PLEKHA3: variants seen among roughly 807,000 people sequenced by gnomAD.
PLEKHA3 encodes the protein pleckstrin homology domain containing A3.
In PLEKHA3, 19 loss-of-function variants were observed where a neutral mutation model predicts 39.2. The ratio of observed to expected loss-of-function variants is 0.48; its 90% CI spans 0.34 to 0.71. The LOEUF is 0.71. PLEKHA3 is among the 30% of genes least tolerant of loss of function. The pLI is 0.01. For synonymous variants in PLEKHA3, 97 were observed against 118.6 expected, an observed-to-expected ratio of 0.82 and a Z score of 1.18; for missense variants, 253 against 359.5, an observed-to-expected ratio of 0.70 and a Z score of 2.40.
chr2:178,488,765 G>A (rs891902719), intron 2 of PLEKHA3, among the ~76,000 whole-genome samples: 2 of 152,170 alleles, frequency 1.3e-5, no homozygotes, highest in African/African-American at 4.8e-5. Flanking sequence ...GCTATCTGCT[G>A]GAATGTTTGG....
chr2:178,496,289 C>T (rs1685445326), intron 5 of PLEKHA3, among the ~76,000 whole-genome samples: 1 of 152,146 alleles, frequency 6.6e-6, no homozygotes, highest in East Asian at 1.9e-4. Flanking sequence ...ATTCGTTGTC[C>T]TTTCTGAGCT....
Position 178,480,597 on chromosome 2 carries a change from C to T in PLEKHA3, c.-273C>T. ...GGAAGCGCGAGCAGGAGGCCGGTCG[C>T]GGGCGCATTTTTGCCGTTGTCGCGG... On this transcript the variant is annotated 5_prime_UTR_variant, in exon 1 of 8. Coordinates refer to ENST00000234453, the MANE Select transcript of PLEKHA3 (RefSeq NM_019091.4). The T allele has an allele frequency of 3.6e-6, 1 of 280,888 alleles. No homozygotes were observed. Among genetic ancestry groups the T allele is most frequent in the South Asian group, 1.7e-4 (1 of 6,056 alleles). 17.4% of individuals were successfully genotyped at this position (280,888 alleles called of 1,614,324 possible). A position where few individuals can be genotyped will look rare whatever the true frequency, so the allele number is the denominator to read the frequency against.
intron 2 of PLEKHA3, among the ~76,000 whole-genome samples, chr2:178,490,163 C>T (rs538644268): frequency 6.6e-6 from 1 of 152,148 alleles, no homozygotes; most frequent in Non-Finnish European, 1.5e-5. Flanking sequence ...AATATACATG[C>T]CTTCCATGTG....
chr2:178,499,338 G>C, intron 6 of PLEKHA3, 84 bp downstream of exon 6: 1 of 1,354,574 alleles, frequency 7.4e-7, no homozygotes, highest in Non-Finnish European at 1.0e-6. Flanking sequence ...AAGTGGTGTG[G>C]AATGTAAACT....
At chr2:178,486,774 G>A (rs1045908231) in intron 2 of PLEKHA3, among the ~76,000 whole-genome samples, 21 of 152,148 alleles carry the variant, frequency 1.4e-4, no homozygotes, top group African/African-American at 5.1e-4. Flanking sequence ...TTCTAGTACT[G>A]AAGGATTTTT....
rs1274284025 is a variant in PLEKHA3 at position 178,514,562 on chromosome 2, C to T, written c.*10675C>T. The T allele has an allele frequency of 6.6e-6, 1 of 151,904 alleles. No individual in the cohort carries two copies. The highest frequency in any genetic ancestry group is 1.9e-4 in the East Asian group (1 of 5,186). The allele number at this position is 151,904 out of a possible 1,614,324, so 9.4% of individuals were successfully genotyped here. A position where few individuals can be genotyped will look rare whatever the true frequency, so the allele number is the denominator to read the frequency against. On this transcript the variant is annotated 3_prime_UTR_variant, in exon 8 of 8. Coordinates refer to ENST00000234453, the MANE Select transcript of PLEKHA3 (RefSeq NM_019091.4). Reference sequence around the variant, plus strand: ...ATAGCCTGTCATGTCTTTATTTAGGCTAAGTGCATATGTATGTATAAGTAA... The same window carrying T: ...ATAGCCTGTCATGTCTTTATTTAGGTTAAGTGCATATGTATGTATAAGTAA...
intron 3 of PLEKHA3, among the ~76,000 whole-genome samples, chr2:178,493,292 A>G (rs1685383845): frequency 6.6e-6 from 1 of 152,242 alleles, no homozygotes. Flanking sequence ...GAAACAGAAG[A>G]AAATAAATGA....
intron 1 of PLEKHA3, among the ~76,000 whole-genome samples, chr2:178,482,666 G>A (rs1685188908): frequency 6.6e-6 from 1 of 151,950 alleles, no homozygotes; most frequent in Admixed American, 6.6e-5. Flanking sequence ...TTACTGAGAT[G>A]AGTCATAATT....
intron 7 of PLEKHA3, among the ~76,000 whole-genome samples, chr2:178,501,955 G>T (rs947214898): frequency 6.6e-6 from 1 of 151,916 alleles, no homozygotes; most frequent in African/African-American, 2.4e-5. Context: ...TCAGTTGTTT[G>T]GAAAACAGAT....
intron 7 of PLEKHA3, 79 bp from the exon 8 acceptor site, chr2:178,503,681 G>T (rs1685564846): frequency 1.4e-6 from 2 of 1,453,978 alleles, no homozygotes; most frequent in Non-Finnish European, 1.9e-6. Context: ...CCCTGAACAG[G>T]AAATTTAAAA....
intron 2 of PLEKHA3, among the ~76,000 whole-genome samples, chr2:178,487,018 T>C (rs1685261233): frequency 1.3e-5 from 2 of 152,230 alleles, no homozygotes; most frequent in Non-Finnish European, 2.9e-5. Context: ...ATTTAGGGAC[T>C]ATTGCATTGG....
In PLEKHA3 at chr2:178,481,836, A is replaced by AT. The variant is rs199910743; in HGVS notation, c.40+933dup. On this transcript the variant is annotated intron_variant, in intron 1 of 7. Transcript: ENST00000234453. Reference sequence around the variant, plus strand: ...TAACATAAATTTGAACAGTAAACAGATTTTTTGGGGGGGGGGGGTCTAGCA... The same window carrying AT: ...TAACATAAATTTGAACAGTAAACAGATTTTTTTGGGGGGGGGGGGTCTAGCA... 2.0e-3 allele frequency: 162 copies of AT among 80,208 alleles called. 1 individual carries two copies. Among genetic ancestry groups the AT allele is most frequent in the Non-Finnish European group, 2.0e-3 (77 of 39,252 alleles). The allele number at this position is 80,208 out of a possible 1,614,324, so 5.0% of individuals were successfully genotyped here.
At chr2:178,481,175 TCA>T (rs1411019391) in intron 1 of PLEKHA3, among the ~76,000 whole-genome samples, 1 of 152,190 alleles carries the variant, frequency 6.6e-6, no homozygotes, top group Non-Finnish European at 1.5e-5. Context: ...GGAACAATTC[TCA>T]GTCACCCTAC....
In PLEKHA3 at chr2:178,515,851, T is replaced by C. The variant is rs1441447903; in HGVS notation, c.*11964T>C. 1.3e-5 allele frequency: 2 copies of C among 152,112 alleles called. No homozygotes were observed. The highest frequency in any genetic ancestry group is 2.9e-5 in the Non-Finnish European group (2 of 67,970). The allele number at this position is 152,112 out of a possible 1,614,324, so 9.4% of individuals were successfully genotyped here. On this transcript the variant is annotated 3_prime_UTR_variant, in exon 8 of 8. Coordinates refer to ENST00000234453, the MANE Select transcript of PLEKHA3 (RefSeq NM_019091.4). ...TTCAGTTAACTAGTTGAATAGTATT[T>C]ATCATTCACATTTGCACCCTAACTA...
rs1295062364 is a variant in PLEKHA3, at chr2:178,513,082, T to C, written c.*9195T>C. The C allele has an allele frequency of 6.6e-6, 1 of 152,032 alleles. No homozygotes were observed. Among genetic ancestry groups the C allele is most frequent in the Non-Finnish European group, 1.5e-5 (1 of 68,076 alleles). 9.4% of individuals were successfully genotyped at this position (152,032 alleles called of 1,614,324 possible). ...TCTCACCCTGTCGCCCAGGCTGGAGTGCAATGGCGCGATCTCGGCTCACTG... is the reference window on the plus strand; with the variant it reads ...TCTCACCCTGTCGCCCAGGCTGGAGCGCAATGGCGCGATCTCGGCTCACTG... On this transcript the variant is annotated 3_prime_UTR_variant, in exon 8 of 8. Coordinates refer to ENST00000234453, the MANE Select transcript of PLEKHA3 (RefSeq NM_019091.4).
intron 4 of PLEKHA3, 46 bp downstream of exon 4, chr2:178,494,035 C>T: frequency 6.4e-7 from 1 of 1,570,172 alleles, no homozygotes; most frequent in Non-Finnish European, 8.6e-7. Context: ...CTTTGGAGTA[C>T]TCTGGGGGGA....
intron 5 of PLEKHA3, among the ~76,000 whole-genome samples, chr2:178,496,039 T>G (rs540769112): frequency 1.3e-5 from 2 of 152,172 alleles, no homozygotes; most frequent in Non-Finnish European, 2.9e-5. Context: ...TACAATTACG[T>G]ATATCTTTAA....
Position 178,505,244 on chromosome 2 carries a change from A to G in PLEKHA3, c.*1357A>G, listed in dbSNP as rs1193573869. 3 of 152,048 alleles carry G rather than the reference A, an allele frequency of 2.0e-5. No individual in the cohort carries two copies. Among genetic ancestry groups the G allele is most frequent in the East Asian group, 1.9e-4 (1 of 5,186 alleles). The allele number at this position is 152,048 out of a possible 1,614,324, so 9.4% of individuals were successfully genotyped here. A position where few individuals can be genotyped will look rare whatever the true frequency, so the allele number is the denominator to read the frequency against. On this transcript the variant is annotated 3_prime_UTR_variant, in exon 8 of 8. Transcript: ENST00000234453. ...GTGTGACCTATTTCATTTTATTTCA[A>G]TTTATCTTGTAAGTTTATGTGGGAT...
chr2:178,493,308 TA>T (rs1183166486), intron 3 of PLEKHA3, among the ~76,000 whole-genome samples: 9 of 152,208 alleles, frequency 5.9e-5, no homozygotes, highest in African/African-American at 2.2e-4. Context: ...AATGAATGTT[TA>T]TAAACAATAG....
Sources: gnomAD v4.1 joint callset for allele counts (sites outside exome capture counted in the v4.1 genomes callset) on GRCh38, gnomAD v4.1.1 for gene constraint, MANE v1.5 for transcripts, NCBI Gene and HGNC (gene_info 2026-07-23, HGNC 2026-07-21) for gene names.